Variants in EPRS1 observed in about 807,000 individuals in gnomAD.
EPRS1 encodes glutamyl-prolyl-tRNA synthetase 1.
In EPRS1, 107 loss-of-function variants were observed where a neutral mutation model predicts 188.3. The observed-to-expected ratio is 0.57, with a 90% CI of 0.49 to 0.67. The LOEUF (loss-of-function observed/expected upper bound fraction) is 0.67. Ranked by LOEUF, EPRS1 falls within the 30% of genes least tolerant of loss-of-function variation. The pLI is 0.00. For missense variants in EPRS1, 1,577 were observed against 1,802.2 expected (o/e 0.88, Z 2.26); for synonymous variants, 596 against 593.1 (o/e 1.00, Z -0.07).
intron 29 of EPRS1, among the ~76,000 whole-genome samples, 165 bp from the exon 30 acceptor site, chr1:219,972,312 A>G (rs1239183036): frequency 1.3e-5 from 2 of 151,008 alleles, no homozygotes; most frequent in Non-Finnish European, 3.0e-5. Flanking sequence ...TATCAGAGTT[A>G]CCTTATCATT....
In EPRS1 at chr1:219,987,193, C is replaced by A. The variant is rs747373838; in HGVS notation, c.2987G>T (p.Gly996Val). The A allele has an allele frequency of 4.3e-6, 7 of 1,614,076 alleles. No individual in the cohort carries two copies. The highest frequency in any genetic ancestry group is 1.7e-5 in the Admixed American group (1 of 60,010). Residue 996 changes from glycine (G) to valine (V), a missense_variant, in exon 20 of 32, where the codon GGG becomes GTG. By Grantham distance (109) the Gly-to-Val change is moderately radical (BLOSUM62 -3). Transcript: ENST00000366923. Reference sequence around the variant, plus strand: ...TTCTCCTGCTCCACTTGATGAGAGCCCACCTCCTTGGTTTTTAGAAGGGTC... The same window carrying A: ...TTCTCCTGCTCCACTTGATGAGAGCACACCTCCTTGGTTTTTAGAAGGGTC... ...RKDPSKNQGG[G>V]LSSSGAGEGQ... is the part of the protein sequence containing the mutation.
At chr1:220,021,450 C>T (rs527279098) in intron 9 of EPRS1, among the ~76,000 whole-genome samples, 115 of 152,064 alleles carry the variant, frequency 7.6e-4, no homozygotes, top group Non-Finnish European at 1.1e-3. Flanking sequence ...CTTCCTGCCT[C>T]AGACTCCCAA....
chr1:219,971,902 A>G (rs1660675400), intron 30 of EPRS1, among the ~76,000 whole-genome samples, 167 bp downstream of exon 30: 1 of 149,006 alleles, frequency 6.7e-6, no homozygotes. Context: ...AACAAAGACT[A>G]TATAATTAGA....
intron 12 of EPRS1, chr1:220,018,061 C>A (rs890889097): frequency 2.2e-6 from 2 of 926,068 alleles, no homozygotes; most frequent in Non-Finnish European, 3.0e-6. Context: ...CATATAACAT[C>A]TCAGGTTTTA....
chr1:220,011,143 C>T (rs1661597828), intron 12 of EPRS1, 87 bp from the exon 13 acceptor site: 1 of 734,248 alleles, frequency 1.4e-6, no homozygotes, highest in South Asian at 1.7e-5. Context: ...GGAATACTAA[C>T]TGGCTTTCTT....
intron 28 of EPRS1, among the ~76,000 whole-genome samples, chr1:219,973,813 G>A (rs1331815932): frequency 1.3e-5 from 2 of 152,174 alleles, no homozygotes; most frequent in Non-Finnish European, 1.5e-5. Context: ...TTCTCTGGTT[G>A]AAAAGTCCTC....
chr1:220,025,499 G>C (rs1211920154), intron 6 of EPRS1, among the ~76,000 whole-genome samples: 6 of 151,508 alleles, frequency 4.0e-5, no homozygotes, highest in Non-Finnish European at 8.8e-5. Context: ...ATCTCACAGA[G>C]GGGACAAGGT....
chr1:220,014,889 G>C (rs1254924367), intron 12 of EPRS1, among the ~76,000 whole-genome samples: 2 of 152,100 alleles, frequency 1.3e-5, no homozygotes, highest in Admixed American at 1.3e-4. Flanking sequence ...AACAAATTGG[G>C]GAGAAGAGAC....
chr1:220,029,484 G>T (rs1328327799), intron 6 of EPRS1, among the ~76,000 whole-genome samples: 1 of 152,168 alleles, frequency 6.6e-6, no homozygotes, highest in Non-Finnish European at 1.5e-5. Context: ...ATCGCTAAAA[G>T]AAAATTGTTT....
rs1297661727 is a variant in EPRS1 at position 220,041,584 on chromosome 1, T to TA, written c.47-1316dup. On this transcript the variant is annotated intron_variant, in intron 1 of 31. Coordinates refer to ENST00000366923, the MANE Select transcript of EPRS1 (RefSeq NM_004446.3). Reference sequence around the variant, plus strand: ...GGCCAGGCGCAGTGGTTCACGCCTATAATCCCAGCACTTTGGGAGGCTGAG... The same window carrying TA: ...GGCCAGGCGCAGTGGTTCACGCCTATAAATCCCAGCACTTTGGGAGGCTGAG... 2.6e-5 allele frequency among the ~76,000 whole-genome samples: 4 copies of TA among 152,166 alleles called. No homozygotes were observed. In the South Asian group the frequency reaches 8.3e-4, roughly 32 times the overall value.
chr1:219,978,610 C>A lies in EPRS1; in HGVS notation c.4019G>T (p.Arg1340Leu), dbSNP rs377268601. ...YRRRLLSVNI[R>L]VRADLRDNYS... ...ATTATCTCGTAAATCAGCTCTAACGCGGATGTTAACACTGAGTAATCGCCT... is the reference window on the plus strand; with the variant it reads ...ATTATCTCGTAAATCAGCTCTAACGAGGATGTTAACACTGAGTAATCGCCT... Residue 1340 changes from arginine to leucine, a missense_variant, in exon 28 of 32, where the codon CGC (arginine) becomes CTC (leucine). Physicochemically the swap from Arg to Leu is moderately radical, Grantham distance 102. This residue lies in a region of EPRS1 where 296 missense variants were observed against 327.9 expected (regional missense o/e 0.90). Coordinates refer to ENST00000366923, the MANE Select transcript of EPRS1 (RefSeq NM_004446.3). 3.5e-5 allele frequency: 57 copies of A among 1,608,442 alleles called. No individual in the cohort carries two copies. Among genetic ancestry groups the A allele is most frequent in the Non-Finnish European group, 4.6e-5 (54 of 1,177,110 alleles).
intron 4 of EPRS1, 67 bp from the exon 5 acceptor site, chr1:220,032,593 G>A (rs912485230): frequency 1.9e-5 from 29 of 1,528,864 alleles, no homozygotes; most frequent in African/African-American, 1.1e-4. Context: ...TTCCAGTTGT[G>A]ACTAATTGAA....
In EPRS1 at chr1:220,038,610, C is replaced by T. The variant is rs114732735; in HGVS notation, c.131+1575G>A. 5.1e-3 allele frequency among the ~76,000 whole-genome samples: 768 copies of T among 151,422 alleles called. 7 individuals are homozygous for T. Among genetic ancestry groups the T allele is most frequent in the African/African-American group, 0.018 (746 of 41,232 alleles). ...CCCAGGCTGGTCTCAAACTGCTGAG[C>T]TCAAGCAATCCACTCGCCCGGCCTC... On this transcript the variant is annotated intron_variant, in intron 2 of 31. Coordinates refer to ENST00000366923, the MANE Select transcript of EPRS1 (RefSeq NM_004446.3).
chr1:219,997,285 A>C lies in EPRS1; in HGVS notation c.2239T>G (p.Ser747Ala), dbSNP rs778148444. Residue 747 changes from serine to alanine, a missense_variant, in exon 18 of 32, where the codon TCT becomes GCT. Ser to Ala is a moderately conservative substitution (Grantham distance 99). Coordinates refer to ENST00000366923, the MANE Select transcript of EPRS1 (RefSeq NM_004446.3). ...TPSLNNNCTT[S>A]EDSLVLYNRV... is the part of the protein sequence containing the mutation. ...TTGTAAAGGACCAAGGAATCCTCAGATGTAGTACAATTATTATTCAGAGAA... is the reference window on the plus strand; with the variant it reads ...TTGTAAAGGACCAAGGAATCCTCAGCTGTAGTACAATTATTATTCAGAGAA... The C allele has an allele frequency of 6.2e-7, 1 of 1,613,382 alleles. No individual in the cohort carries two copies. The highest frequency in any genetic ancestry group is 8.5e-7 in the Non-Finnish European group (1 of 1,179,550).
At chr1:220,034,180 T>C (rs1490921200) in intron 3 of EPRS1, among the ~76,000 whole-genome samples, 1 of 152,210 alleles carries the variant, frequency 6.6e-6, no homozygotes, top group Non-Finnish European at 1.5e-5. Context: ...AGACTGCATA[T>C]ATGACAATGG....
chr1:220,020,146 T>C lies in EPRS1; in HGVS notation c.1191A>G (p.Thr397=), dbSNP rs1250445109. ...IEGVTHALRT[T]EYHDRDEQFY... ...ACTGCTCATCTCTGTCATGGTATTCTGTTGTTCTCAGGGCATGTGTAACAC... is the reference window on the plus strand; with the variant it reads ...ACTGCTCATCTCTGTCATGGTATTCCGTTGTTCTCAGGGCATGTGTAACAC... The change falls in exon 10 of 32, where the codon ACA becomes ACG. Residue 397 remains threonine (T), a synonymous_variant. Transcript: ENST00000366923. The C allele has an allele frequency of 6.2e-7, 1 of 1,614,166 alleles. No individual in the cohort carries two copies. The highest frequency in any genetic ancestry group is 1.3e-5 in the African/African-American group (1 of 75,052).
chr1:219,970,915 T>C (rs1290900090), intron 30 of EPRS1, among the ~76,000 whole-genome samples: 1 of 152,172 alleles, frequency 6.6e-6, no homozygotes. Context: ...AGGATTTTGA[T>C]ATTATCTATT....
At chr1:220,024,560 T>C in intron 7 of EPRS1, 104 bp from the exon 8 acceptor site, 1 of 704,032 alleles carries the variant, frequency 1.4e-6, no homozygotes, top group Non-Finnish European at 2.3e-6. Context: ...AGACCATCAG[T>C]CTTATTTAGC....
chr1:219,969,652 G>GA (rs1660627627), intron 30 of EPRS1, among the ~76,000 whole-genome samples: 1 of 97,590 alleles, frequency 1.0e-5, no homozygotes, highest in African/African-American at 3.7e-5. Flanking sequence ...TTTTGTGTAA[G>GA]GAAAAAAAAA....
Sources: allele counts gnomAD v4.1 joint callset (sites outside exome capture counted in the v4.1 genomes callset), GRCh38; gene constraint gnomAD v4.1.1; regional missense constraint gnomAD v4.1.1; transcripts MANE v1.5; gene names NCBI Gene and HGNC (gene_info 2026-07-23, HGNC 2026-07-21).